CASZ1: variants seen among roughly 807,000 people sequenced by gnomAD.
CASZ1 encodes the protein zinc finger protein castor homolog 1.
Under a neutral mutation model 135.2 loss-of-function variants are expected in CASZ1, and 28 were observed. The observed-to-expected ratio is 0.21, with a 90% CI of 0.15 to 0.28. The LOEUF is 0.28. CASZ1 is among the 10% of genes least tolerant of loss of function. The pLI, the probability that CASZ1 is intolerant of heterozygous loss-of-function variation, is 1.00. For synonymous variants in CASZ1, 1,068 were observed against 1,073.4 expected (o/e 0.99, Z 0.10); for missense variants, 2,161 against 2,453.3 (o/e 0.88, Z 2.52).
In CASZ1 at chr1:10,638,496, T is replaced by C. The variant is rs1052430047; in HGVS notation, c.*446A>G. The C allele has an allele frequency of 1.3e-5, 2 of 151,698 alleles. No individual in the cohort carries two copies. Among genetic ancestry groups the C allele is most frequent in the African/African-American group, 4.8e-5 (2 of 41,246 alleles). 9.4% of individuals were successfully genotyped at this position (151,698 alleles called of 1,614,324 possible). On this transcript the variant is annotated 3_prime_UTR_variant, in exon 21 of 21. Transcript: ENST00000377022. The surrounding 1 kb of genome is among the most constrained non-coding windows in gnomAD (Gnocchi z 5.9). ...TCCCCCTGGGCAGGGGGGAGGATCC[T>C]AGCTGCATGAGGGAGGCCCCGCCAG...
intron 1 of CASZ1, among the ~76,000 whole-genome samples, chr1:10,766,770 T>G (rs1469848679): frequency 6.6e-6 from 1 of 152,234 alleles, no homozygotes; most frequent in Non-Finnish European, 1.5e-5. Context: ...AATATATTAA[T>G]GCATATAACC....
At chr1:10,787,834 C>G (rs891489993) in intron 1 of CASZ1, among the ~76,000 whole-genome samples, 33 of 152,162 alleles carry the variant, frequency 2.2e-4, no homozygotes, top group Non-Finnish European at 1.8e-4. Flanking sequence ...CCCACTCTCC[C>G]TCCGGGCTTC....
chr1:10,737,882 C>T (rs758147354), intron 2 of CASZ1, among the ~76,000 whole-genome samples: 20 of 152,250 alleles, frequency 1.3e-4, no homozygotes, highest in Non-Finnish European at 2.6e-4. Flanking sequence ...AGGCTGGGCA[C>T]AGCCCTGTGG....
At chr1:10,660,612 C>A in intron 5 of CASZ1, 76 bp from the exon 6 acceptor site, 1 of 1,312,054 alleles carries the variant, frequency 7.6e-7, no homozygotes, top group Non-Finnish European at 1.1e-6. Flanking sequence ...TGGGGGCCCC[C>A]ACCCATAGAG....
chr1:10,723,860 C>T (rs1232663184), intron 2 of CASZ1, among the ~76,000 whole-genome samples: 1 of 152,226 alleles, frequency 6.6e-6, no homozygotes, highest in Non-Finnish European at 1.5e-5. Context: ...CCACCCGTCT[C>T]AGGTGGCCTC....
chr1:10,748,656 C>T (rs1640093360), intron 2 of CASZ1, among the ~76,000 whole-genome samples: 1 of 152,052 alleles, frequency 6.6e-6, no homozygotes, highest in African/African-American at 2.4e-5. Context: ...CCACTAGTTC[C>T]AGGCAGGGGC....
rs978031990 is a variant in CASZ1 at position 10,647,523 on chromosome 1, C to T, written c.3497+278G>A. 7.4e-6 allele frequency: 10 copies of T among 1,344,988 alleles called. No individual in the cohort carries two copies. The highest frequency in any genetic ancestry group is 9.6e-6 in the Non-Finnish European group (10 of 1,043,424). The allele number at this position is 1,344,988 out of a possible 1,614,324, so 83.3% of individuals were successfully genotyped here. On this transcript the variant is annotated intron_variant, in intron 16 of 20. Coordinates refer to ENST00000377022, the MANE Select transcript of CASZ1 (RefSeq NM_001079843.3). This position sits in a 1 kb window ranked among gnomAD's most constrained non-coding sequence, Gnocchi z 4.9. ...TCTGAGGACCACCACGCCCAGTCCA[C>T]CCCACCTGGCCCTGGCAGGATCACC...
rs1557565233 is a variant in CASZ1, at chr1:10,776,471, T to C, written c.-233-15614A>G. Among the ~76,000 whole-genome samples, 2 of 152,290 alleles carry C rather than the reference T, an allele frequency of 1.3e-5. No individual in the cohort carries two copies. The highest frequency in any genetic ancestry group is 4.1e-4 in the South Asian group (2 of 4,828). Reference sequence around the variant, plus strand: ...TACCACTTCTCTCCCCTGCTTGTAATTGTCTCACGTCTTGGCCTCTCAGTA... The same window carrying C: ...TACCACTTCTCTCCCCTGCTTGTAACTGTCTCACGTCTTGGCCTCTCAGTA... On this transcript the variant is annotated intron_variant, in intron 1 of 20. Transcript: ENST00000377022. This position sits in a 1 kb window ranked among gnomAD's most constrained non-coding sequence, Gnocchi z 4.1.
At chr1:10,702,835 A>G (rs1639091554) in intron 3 of CASZ1, among the ~76,000 whole-genome samples, 1 of 152,180 alleles carries the variant, frequency 6.6e-6, no homozygotes, top group South Asian at 2.1e-4. Flanking sequence ...TTATAAGCAT[A>G]TTGCACAGGG....
At chr1:10,728,032 G>A (rs1280763607) in intron 2 of CASZ1, among the ~76,000 whole-genome samples, 4 of 152,230 alleles carry the variant, frequency 2.6e-5, no homozygotes, top group Non-Finnish European at 4.4e-5. Context: ...CCTATGCTCC[G>A]GGCTCCCCGT....
intron 2 of CASZ1, among the ~76,000 whole-genome samples, chr1:10,712,361 ATAAAATAAAATAAAG>A (rs1333743348): frequency 2.0e-5 from 3 of 152,094 alleles, no homozygotes; most frequent in East Asian, 1.9e-4. Context: ...AAATACATAA[ATAAAATAAAATAAAG>A]TAAAATAAAA....
chr1:10,658,846 G>A (rs560676309), intron 6 of CASZ1, among the ~76,000 whole-genome samples: 88 of 152,316 alleles, frequency 5.8e-4, no homozygotes, highest in African/African-American at 2.1e-3. Flanking sequence ...GCCCGGGCTC[G>A]GCACCCAGCA....
chr1:10,737,372 C>A (rs866296315), intron 2 of CASZ1, among the ~76,000 whole-genome samples: 37 of 65,032 alleles, frequency 5.7e-4, no homozygotes, highest in Admixed American at 3.4e-3. Flanking sequence ...CCTGGAGGGG[C>A]CTTCAGAAGT....
intron 2 of CASZ1, among the ~76,000 whole-genome samples, chr1:10,746,860 C>T (rs1457342372): frequency 1.3e-5 from 2 of 152,256 alleles, no homozygotes; most frequent in Non-Finnish European, 2.9e-5. Context: ...AAAGCCCTGG[C>T]TCCTGGGCCA....
At chr1:10,790,220 A>G (rs942086968) in intron 1 of CASZ1, among the ~76,000 whole-genome samples, 29 of 152,312 alleles carry the variant, frequency 1.9e-4, no homozygotes, top group African/African-American at 5.5e-4. Flanking sequence ...CAGAGAAGAA[A>G]CCAACACGGG....
chr1:10,703,278 C>T (rs1212099457), intron 3 of CASZ1, among the ~76,000 whole-genome samples: 1 of 152,160 alleles, frequency 6.6e-6, no homozygotes, highest in East Asian at 1.9e-4. Context: ...GCAGTAGAAC[C>T]GGGCCAGGGC....
intron 5 of CASZ1, among the ~76,000 whole-genome samples, chr1:10,663,494 G>A (rs1369379782): frequency 6.6e-6 from 1 of 152,244 alleles, no homozygotes; most frequent in Non-Finnish European, 1.5e-5. Context: ...AGCTAGGGAG[G>A]AGTGGGCTCT....
At chr1:10,662,632 A>G (rs2100276843) in intron 5 of CASZ1, among the ~76,000 whole-genome samples, 1 of 150,948 alleles carries the variant, frequency 6.6e-6, no homozygotes, top group East Asian at 2.0e-4. Flanking sequence ...ACGCAGTCAC[A>G]TAAAACTCAT....
intron 4 of CASZ1, among the ~76,000 whole-genome samples, chr1:10,665,778 T>A (rs1643216559): frequency 6.6e-6 from 1 of 152,252 alleles, no homozygotes; most frequent in Admixed American, 6.5e-5. Flanking sequence ...CTCTACTTTC[T>A]GAGCCTGGCA....
Sources: gnomAD v4.1 joint callset for allele counts (sites outside exome capture counted in the v4.1 genomes callset) on GRCh38, gnomAD v4.1.1 for gene constraint, Gnocchi (gnomAD v3.1) non-coding constraint, MANE v1.5 for transcripts, NCBI Gene and HGNC (gene_info 2026-07-23, HGNC 2026-07-21) for gene names.